Variants in LMBR1 observed in about 807,000 individuals in gnomAD.
LMBR1 encodes the protein limb development membrane protein 1.
In LMBR1, 52 loss-of-function variants were observed where a neutral mutation model predicts 73.9. The observed-to-expected ratio is 0.70, with a 90% CI of 0.56 to 0.89. LMBR1 has a LOEUF of 0.89. LMBR1 is among the 40% of genes least tolerant of loss of function. LMBR1 has a pLI of 0.00. For missense variants in LMBR1, 539 were observed against 579.8 expected (o/e 0.93, Z 0.72); for synonymous variants, 215 against 209.4 (o/e 1.03, Z -0.23).
intron 15 of LMBR1, among the ~76,000 whole-genome samples, chr7:156,688,745 C>G (rs918035862): frequency 5.9e-5 from 9 of 152,156 alleles, no homozygotes; most frequent in African/African-American, 2.2e-4. Context: ...GCCTTCTATA[C>G]TAATTACGAG....
chr7:156,837,462 G>GT (rs1837867446), intron 1 of LMBR1, among the ~76,000 whole-genome samples: 1 of 146,636 alleles, frequency 6.8e-6, no homozygotes, highest in African/African-American at 2.5e-5. Flanking sequence ...TTGATCCAAT[G>GT]TTTTTCAAAA....
At chr7:156,672,180 C>T (rs553951370) in intron 4 of LMBR1, among the ~76,000 whole-genome samples, 6 of 152,262 alleles carry the variant, frequency 3.9e-5, no homozygotes, top group African/African-American at 1.4e-4. Flanking sequence ...GGCCACCCTC[C>T]CTGAGATTTA....
chr7:156,860,985 G>A (rs144353645), intron 1 of LMBR1, among the ~76,000 whole-genome samples: 1 of 152,360 alleles, frequency 6.6e-6, no homozygotes, highest in African/African-American at 2.4e-5. Context: ...GGTGCAAGCT[G>A]TCAGTGGACG....
intron 5 of LMBR1, among the ~76,000 whole-genome samples, chr7:156,789,716 T>C (rs1377889182): frequency 1.3e-5 from 2 of 152,220 alleles, no homozygotes; most frequent in African/African-American, 4.8e-5. Flanking sequence ...CCTGCAGGCC[T>C]GTGGTATCCT....
At chr7:156,824,705 C>T (rs983989143) in intron 4 of LMBR1, among the ~76,000 whole-genome samples, 6 of 151,960 alleles carry the variant, frequency 3.9e-5, no homozygotes, top group East Asian at 1.9e-4. Flanking sequence ...ATTAGCTTGG[C>T]GTGGTGTCAC....
intron 1 of LMBR1, 39 bp from the exon 2 acceptor site, chr7:156,836,924 G>T: frequency 1.5e-6 from 2 of 1,330,388 alleles, no homozygotes; most frequent in South Asian, 1.4e-5. Context: ...TTACTTTTTT[G>T]CATATCTTTT....
At chr7:156,756,581 G>T in intron 8 of LMBR1, 116 bp from the exon 9 acceptor site, 1 of 606,184 alleles carries the variant, frequency 1.6e-6, no homozygotes, top group Non-Finnish European at 2.9e-6. Context: ...AAATTTCTAA[G>T]AACACAAAAC....
intron 1 of LMBR1, among the ~76,000 whole-genome samples, chr7:156,853,661 GTTT>G (rs1017965638): frequency 2.6e-5 from 4 of 152,052 alleles, no homozygotes; most frequent in African/African-American, 9.7e-5. Context: ...GCTTTTGTTT[GTTT>G]TTGTTTTTTG....
chr7:156,762,112 T>C, intron 8 of LMBR1, 22 bp downstream of exon 8: 2 of 1,439,412 alleles, frequency 1.4e-6, no homozygotes, highest in East Asian at 2.3e-5. Context: ...ATAAACAAAA[T>C]GATTTATAAT....
chr7:156,763,011 C>A, intron 7 of LMBR1, 97 bp downstream of exon 7: 1 of 655,138 alleles, frequency 1.5e-6, no homozygotes, highest in Non-Finnish European at 2.7e-6. Flanking sequence ...AAAAAAAATC[C>A]AAATAGTTAA....
intron 5 of LMBR1, 134 bp downstream of exon 5, chr7:156,796,255 T>C (rs529046922): frequency 4.9e-6 from 3 of 612,486 alleles, no homozygotes; most frequent in Non-Finnish European, 5.8e-6. Context: ...TTGTTAACAA[T>C]GTGTTATCAA....
intron 4 of LMBR1, among the ~76,000 whole-genome samples, chr7:156,814,509 A>T (rs1833599596): frequency 6.6e-6 from 1 of 152,246 alleles, no homozygotes. Flanking sequence ...TTTCAACTAC[A>T]GAAAGGTTTT....
At chr7:156,826,459 G>C in intron 4 of LMBR1, 146 bp downstream of exon 4, 1 of 481,374 alleles carries the variant, frequency 2.1e-6, no homozygotes, top group Non-Finnish European at 3.6e-6. Context: ...AGTAAAATCT[G>C]GTTTTCTGAC....
At chr7:156,729,044 A>G (rs1411949858) in intron 10 of LMBR1, among the ~76,000 whole-genome samples, 1 of 151,948 alleles carries the variant, frequency 6.6e-6, no homozygotes, top group Non-Finnish European at 1.5e-5. Flanking sequence ...GGTTCTTGCT[A>G]TGTTGCCCAG....
At chr7:156,889,062 AAAAG>A (rs1265314259) in intron 1 of LMBR1, among the ~76,000 whole-genome samples, 16 of 152,270 alleles carry the variant, frequency 1.1e-4, no homozygotes, top group Admixed American at 5.2e-4. Context: ...TCAAAAAAAA[AAAAG>A]AAAGAAAAAG....
intron 4 of LMBR1, among the ~76,000 whole-genome samples, chr7:156,800,399 CAACA>C (rs1055524399): frequency 1.4e-5 from 2 of 145,968 alleles, no homozygotes; most frequent in African/African-American, 5.1e-5. Context: ...TAAACAAGAA[CAACA>C]AACCTGCCCG....
chr7:156,769,691 G>T (rs1824812601), intron 5 of LMBR1, among the ~76,000 whole-genome samples: 1 of 152,204 alleles, frequency 6.6e-6, no homozygotes, highest in African/African-American at 2.4e-5. Flanking sequence ...ACAGCAAGAG[G>T]CATGAGTGCC....
intron 4 of LMBR1, among the ~76,000 whole-genome samples, chr7:156,803,335 G>T (rs1309825550): frequency 2.0e-5 from 3 of 151,698 alleles, no homozygotes; most frequent in Non-Finnish European, 2.9e-5. Flanking sequence ...TCAAAAAGTG[G>T]GCGAAGGATA....
chr7:156,724,219 G>A (rs1815229732), intron 14 of LMBR1, 41 bp from the exon 15 acceptor site: 1 of 1,443,318 alleles, frequency 6.9e-7, no homozygotes, highest in South Asian at 1.2e-5. Context: ...CAGTTAAACA[G>A]CAGGATGACA....
Sources: allele counts gnomAD v4.1 joint callset (sites outside exome capture counted in the v4.1 genomes callset), GRCh38; gene constraint gnomAD v4.1.1; transcripts MANE v1.5; gene names NCBI Gene and HGNC (gene_info 2026-07-23, HGNC 2026-07-21).